Variants in CREM observed in about 807,000 individuals in gnomAD.
The protein encoded by CREM is cAMP responsive element modulator.
In CREM, 13 loss-of-function variants were observed where a neutral mutation model predicts 37.3. The ratio of observed to expected loss-of-function variants is 0.35; its 90% confidence interval spans 0.23 to 0.55. CREM has a LOEUF of 0.55. CREM is among the 20% of genes least tolerant of loss of function. CREM has a pLI of 0.88. For missense variants in CREM, 296 were observed against 362.3 expected (o/e 0.82, Z 1.49); for synonymous variants, 124 against 120.2 (o/e 1.03, Z -0.21).
chr10:35,209,118 A>C (rs1035503196), intron 7 of CREM, among the ~76,000 whole-genome samples: 3 of 152,208 alleles, frequency 2.0e-5, no homozygotes, highest in African/African-American at 7.2e-5. Context: ...CCTGTCCTCT[A>C]TACCAGCATC....
chr10:35,159,815 C>T (rs1281690842), intron 3 of CREM, among the ~76,000 whole-genome samples: 1 of 152,174 alleles, frequency 6.6e-6, no homozygotes, highest in East Asian at 1.9e-4. Flanking sequence ...GCAAACTATA[C>T]ATCTGATAAG....
rs537014234 is a variant in CREM at position 35,155,481 on chromosome 10, C to A, written c.168+6990C>A. On this transcript the variant is annotated intron_variant, in intron 3 of 7. Transcript: ENST00000685392. ...CTTAACACTACAAACTACACTTAAA[C>A]AGTGAATATGTTATGTGTCTTTTAC... 1.2e-3 allele frequency among the ~76,000 whole-genome samples: 176 copies of A among 152,096 alleles called. 1 individual carries two copies. Among genetic ancestry groups the A allele is most frequent in the African/African-American group, 4.0e-3 (165 of 41,476 alleles).
chr10:35,136,430 A>T (rs927295791), intron 1 of CREM, among the ~76,000 whole-genome samples: 3 of 152,176 alleles, frequency 2.0e-5, no homozygotes, highest in Non-Finnish European at 4.4e-5. Context: ...TCCCTACGTA[A>T]AATGCTAGTG....
At chr10:35,148,318 A>G (rs1479381341) in intron 2 of CREM, 50 bp from the exon 3 acceptor site, 4 of 1,552,668 alleles carry the variant, frequency 2.6e-6, no homozygotes. Flanking sequence ...TGTATTTCCA[A>G]ATACTTAAGA....
intron 6 of CREM, among the ~76,000 whole-genome samples, chr10:35,190,232 A>G (rs191401631): frequency 3.7e-4 from 57 of 152,354 alleles, no homozygotes; most frequent in African/African-American, 1.3e-3. Context: ...CACAAGTCAC[A>G]AAGATTTTTT....
chr10:35,179,466 G>C, intron 5 of CREM, 190 bp downstream of exon 5: 2 of 694,290 alleles, frequency 2.9e-6, no homozygotes, highest in Non-Finnish European at 4.1e-6. Context: ...ATATAATTTT[G>C]AAAAGTAAAA....
intron 2 of CREM, among the ~76,000 whole-genome samples, chr10:35,138,942 A>G (rs1032211924): frequency 1.3e-5 from 2 of 152,052 alleles, no homozygotes; most frequent in African/African-American, 2.4e-5. Flanking sequence ...TAAAAAAACA[A>G]TAGATATATT....
At position 35,129,023 on chromosome 10, in the gene CREM, T is replaced by C. The variant is rs139050208; in HGVS notation, c.-55+1830T>C. ...TTGATCCCAACACAGCTTTAACAAA[T>C]ATATTAAAATGGTTTTGATCCTGAA... is the stretch of plus-strand genomic sequence containing the variant. On this transcript the variant is annotated intron_variant, in intron 1 of 7. Coordinates refer to ENST00000685392, the MANE Select transcript of CREM (RefSeq NM_183011.2). 8.1e-4 allele frequency among the ~76,000 whole-genome samples: 124 copies of C among 152,332 alleles called. 2 individuals are homozygous for C. Among genetic ancestry groups the C allele is most frequent in the African/African-American group, 2.8e-3 (116 of 41,582 alleles).
chr10:35,137,953 T>A (rs1316233883), intron 2 of CREM, 74 bp downstream of exon 2: 2 of 1,164,180 alleles, frequency 1.7e-6, no homozygotes, highest in Admixed American at 2.2e-5. Context: ...TAAATTGATA[T>A]ATAGATGTAC....
chr10:35,156,249 TTTTC>T (rs1329049628), intron 3 of CREM, among the ~76,000 whole-genome samples: 559 of 134,262 alleles, frequency 4.2e-3, no homozygotes, highest in African/African-American at 0.013. Context: ...ACCTCTTTTC[TTTTC>T]TTTTTTTTTT....
At chr10:35,149,889 AACACACACACACACACACAC>A (rs55971717) in intron 3 of CREM, among the ~76,000 whole-genome samples, 42 of 111,902 alleles carry the variant, frequency 3.8e-4, no homozygotes, top group Admixed American at 9.9e-4. Flanking sequence ...CTTTTGCTTA[AACACACACACACACACACAC>A]ACACACACAC....
At chr10:35,200,064 T>A (rs1346217295) in intron 6 of CREM, among the ~76,000 whole-genome samples, 1 of 151,876 alleles carries the variant, frequency 6.6e-6, no homozygotes, top group African/African-American at 2.4e-5. Context: ...TAATTTTGCA[T>A]TTTTAGTAGA....
intron 6 of CREM, among the ~76,000 whole-genome samples, chr10:35,205,973 G>A (rs2095509572): frequency 6.6e-6 from 1 of 151,420 alleles, no homozygotes; most frequent in Non-Finnish European, 1.5e-5. Context: ...AAAAAGCCAG[G>A]CGCGATGGCT....
chr10:35,181,336 G>GT (rs1310441930), intron 5 of CREM, among the ~76,000 whole-genome samples: 2 of 152,198 alleles, frequency 1.3e-5, no homozygotes, highest in Non-Finnish European at 2.9e-5. Flanking sequence ...ATGGGTAAAA[G>GT]TAGGGGGAAA....
intron 6 of CREM, among the ~76,000 whole-genome samples, chr10:35,200,314 T>G (rs2095346456): frequency 6.6e-6 from 1 of 152,194 alleles, no homozygotes; most frequent in African/African-American, 2.4e-5. Flanking sequence ...GACTTATAGA[T>G]TTTCACATAC....
At chr10:35,140,080 G>A (rs1294521596) in intron 2 of CREM, among the ~76,000 whole-genome samples, 1 of 152,038 alleles carries the variant, frequency 6.6e-6, no homozygotes. Flanking sequence ...AGAATAAACT[G>A]GCTTGAAATA....
intron 2 of CREM, among the ~76,000 whole-genome samples, chr10:35,140,743 G>A (rs879788200): frequency 2.6e-5 from 4 of 152,154 alleles, no homozygotes; most frequent in Non-Finnish European, 5.9e-5. Flanking sequence ...TGGTGTCCTC[G>A]AACCAGGCCT....
At position 35,187,190 on chromosome 10, in the gene CREM, TA is replaced by T. The variant is rs1373820491; in HGVS notation, c.410-1009del. Among the ~76,000 whole-genome samples the T allele has an allele frequency of 3.0e-3, 221 of 73,188 alleles. 2 individuals carry two copies. The highest frequency in any genetic ancestry group is 0.01 in the African/African-American group (211 of 20,848). 48.0% of individuals were successfully genotyped at this position (73,188 alleles called of 152,430 possible). The stretch of plus-strand genomic sequence containing the variant: ...ATATATTAATATTAATATATAAATA[TA>T]TTAATATATAATATATATTATATAT... On this transcript the variant is annotated intron_variant, in intron 5 of 7. Coordinates refer to ENST00000685392, the MANE Select transcript of CREM (RefSeq NM_183011.2).
intron 3 of CREM, 66 bp downstream of exon 3, chr10:35,148,557 G>T: frequency 6.6e-7 from 1 of 1,518,950 alleles, no homozygotes. Flanking sequence ...TGCAGATTCT[G>T]TTTTCTTGCC....
Sources: allele counts gnomAD v4.1 joint callset (sites outside exome capture counted in the v4.1 genomes callset), GRCh38; gene constraint gnomAD v4.1.1; transcripts MANE v1.5; gene names NCBI Gene and HGNC (gene_info 2026-07-23, HGNC 2026-07-21).